ATG2A: variants seen among roughly 807,000 people sequenced by gnomAD.
The protein encoded by ATG2A is autophagy related 2A, also known as autophagy-related protein 2 homolog A.
A neutral mutation model predicts 214.2 loss-of-function variants in ATG2A; 103 were observed. The observed-to-expected ratio is 0.48, with a 90% CI of 0.41 to 0.57. ATG2A has a LOEUF of 0.57. Among genes scored for constraint, ATG2A ranks in the 20% least tolerant of loss-of-function variants. ATG2A has a pLI of 0.00. For missense variants in ATG2A, 2,312 were observed against 2,613.2 expected (o/e 0.88, Z 2.51); for synonymous variants, 1,160 against 1,142.1 (o/e 1.02, Z -0.32).
Position 64,895,653 on chromosome 11 carries a change from C to T in ATG2A, c.5428-211G>A, listed in dbSNP as rs563751069. Among the ~76,000 whole-genome samples, 1 of 152,174 alleles carries T rather than the reference C, an allele frequency of 6.6e-6. No individual in the cohort carries two copies. The highest frequency in any genetic ancestry group is 1.5e-5 in the Non-Finnish European group (1 of 68,008). The stretch of plus-strand genomic sequence containing the variant: ...CCACTCTGCTGAGGGAACCTAGGAA[C>T]GTGGGACTCCTCAGGGGACTTTCCT... On this transcript the variant is annotated intron_variant, in intron 39 of 40. Coordinates refer to ENST00000377264, the MANE Select transcript of ATG2A (RefSeq NM_015104.3). The surrounding 1 kb of genome is among the most constrained non-coding windows in gnomAD (Gnocchi z 5.0).
At chr11:64,912,665 CT>C (rs1444845874) in intron 6 of ATG2A, 1 of 500,196 alleles carries the variant, frequency 2.0e-6, no homozygotes, top group Non-Finnish European at 3.5e-6. Context: ...GCAATCTTGG[CT>C]CACTGCAACC....
chr11:64,911,922 G>C lies in ATG2A; in HGVS notation c.1148C>G (p.Ser383Cys). The C allele has an allele frequency of 3.7e-6, 6 of 1,613,644 alleles. No homozygotes were observed. Among genetic ancestry groups the C allele is most frequent in the Non-Finnish European group, 5.1e-6 (6 of 1,179,804 alleles). Residue 383 changes from serine to cysteine, a missense_variant, in exon 9 of 41, where the codon TCC becomes TGC. By Grantham distance (112) the Ser-to-Cys change is moderately radical. Coordinates refer to ENST00000377264, the MANE Select transcript of ATG2A (RefSeq NM_015104.3). ...SSVASALSEL[S>C]LSDVDLASSV... ...GGAGGCCAGGTCTACATCGGAGAGG[G>C]AGAGCTCAGAGAGGGCTGAGGCCAC...
intron 31 of ATG2A, among the ~76,000 whole-genome samples, chr11:64,899,862 T>A (rs183134346): frequency 0.024 from 2,986 of 126,266 alleles, 95 homozygotes; most frequent in African/African-American, 0.11. Context: ...GCTTCCAGCA[T>A]TTTTTTTTTT....
rs752528859 is a variant in ATG2A, at chr11:64,907,536, G to A, written c.2636C>T (p.Ala879Val). ...WHDSFKMCKS[A>V]FKLANCFDLT... ...AGCACCTCTCATACCCAGCTTGAAGGCTGACTTGCACATCTTAAAGCTGTC... is the reference window on the plus strand; with the variant it reads ...AGCACCTCTCATACCCAGCTTGAAGACTGACTTGCACATCTTAAAGCTGTC... The change falls in exon 18 of 41, where the codon GCC (alanine) becomes GTC (valine). Residue 879 changes from alanine to valine, a missense_variant. Transcript: ENST00000377264. 8.1e-6 allele frequency: 13 copies of A among 1,612,536 alleles called. No homozygotes were observed. In the Admixed American group the frequency reaches 1.8e-4, roughly 23 times the overall value.
At position 64,906,404 on chromosome 11, in the gene ATG2A, C is replaced by A. The variant is rs369499174; in HGVS notation, c.3113G>T (p.Gly1038Val). 1 of 1,613,256 alleles carries A rather than the reference C, an allele frequency of 6.2e-7. No homozygotes were observed. Among genetic ancestry groups the A allele is most frequent in the South Asian group, 1.1e-5 (1 of 91,080 alleles). ...VTERGASGRK[G>V]QGRGPHMLST... ...CAACATGTGGGGTCCCCGGCCCTGGCCCTTGCGGCCCGAGGCTCCCCGCTC... is the reference window on the plus strand; with the variant it reads ...CAACATGTGGGGTCCCCGGCCCTGGACCTTGCGGCCCGAGGCTCCCCGCTC... Residue 1038 changes from glycine (G) to valine (V), a missense_variant, in exon 21 of 41, where the codon GGC (glycine) becomes GTC (valine). Physicochemically the swap from Gly to Val is moderately radical, Grantham distance 109 (BLOSUM62 -3). Coordinates refer to ENST00000377264, the MANE Select transcript of ATG2A (RefSeq NM_015104.3).
Position 64,913,885 on chromosome 11 carries a change from C to T in ATG2A, c.526G>A (p.Val176Met), listed in dbSNP as rs748905263. The T allele has an allele frequency of 3.3e-5, 54 of 1,613,932 alleles. No homozygotes were observed. Among genetic ancestry groups the T allele is most frequent in the African/African-American group, 1.9e-4 (14 of 74,914 alleles). Residue 176 changes from valine (V) to methionine (M), a missense_variant, in exon 4 of 41, where the codon GTG (valine) becomes ATG (methionine). By Grantham distance (21) the Val-to-Met change is conservative. Transcript: ENST00000377264. The surrounding 1 kb of genome is among the most constrained non-coding windows in gnomAD (Gnocchi z 4.3). Reference protein sequence around the residue: ...RIKVTFLDTVVRVEHSPGDGE... With the variant: ...RIKVTFLDTVMRVEHSPGDGE... ...TCACCCGGAGAGTGCTCCACCCTCA[C>T]GACAGTGTCCAGGAAGGTCACTTTG...
At position 64,903,498 on chromosome 11, in the gene ATG2A, C is replaced by T. The variant is rs1944431883; in HGVS notation, c.3535+92G>A. On this transcript the variant is annotated intron_variant, in intron 25 of 40. Coordinates refer to ENST00000377264, the MANE Select transcript of ATG2A (RefSeq NM_015104.3). This position sits in a 1 kb window ranked among gnomAD's most constrained non-coding sequence, Gnocchi z 4.2. ...CTACGTGTGGGAGCTAAGGACCCGG[C>T]CAGCAGCTGCGGGGAGACACCTGGC... The T allele has an allele frequency of 8.8e-6, 13 of 1,480,676 alleles. No homozygotes were observed. Among genetic ancestry groups the T allele is most frequent in the South Asian group, 1.3e-5 (1 of 79,784 alleles). The allele number at this position is 1,480,676 out of a possible 1,614,324, so 91.7% of individuals were successfully genotyped here.
intron 22 of ATG2A, 128 bp from the exon 23 acceptor site, chr11:64,905,976 C>T (rs1435662354): frequency 1.4e-5 from 19 of 1,368,384 alleles, no homozygotes; most frequent in Non-Finnish European, 1.7e-5. Flanking sequence ...ACACCCCTTG[C>T]CCAGGAGCTC....
rs139862317 is a variant in ATG2A, at chr11:64,912,413, G to A, written c.836C>T (p.Ala279Val). The A allele has an allele frequency of 2.8e-3, 4,387 of 1,548,770 alleles. 8 individuals carry two copies. The highest frequency in any genetic ancestry group is 3.5e-3 in the Non-Finnish European group (4,039 of 1,146,872). ...CAGGTGCAGGGAGCCCAGCTGTCCC[G>A]CCACCTCCAACTGGGGGCCAAGGAG... ...EAFPGPKLEV[A>V]GQLGSLHLLL... Residue 279 changes from alanine (A) to valine (V), a missense_variant, in exon 7 of 41, where the codon GCG becomes GTG. Physicochemically the swap from Ala to Val is moderately conservative, Grantham distance 64. Transcript: ENST00000377264.
At position 64,913,323 on chromosome 11, in the gene ATG2A, C is replaced by T. The variant is rs756739238; in HGVS notation, c.669G>A (p.Leu223=). The change falls in exon 5 of 41, where the codon CTG becomes CTA. Residue 223 remains leucine (L), a synonymous_variant. Coordinates refer to ENST00000377264, the MANE Select transcript of ATG2A (RefSeq NM_015104.3). This position sits in a 1 kb window ranked among gnomAD's most constrained non-coding sequence, Gnocchi z 4.3. Reference sequence around the variant, plus strand: ...CCCCTGCCAGCTGCAGCAGCTTGTGCAGGAAGGCAGGCGGCTGATGCACGT... The same window carrying T: ...CCCCTGCCAGCTGCAGCAGCTTGTGTAGGAAGGCAGGCGGCTGATGCACGT... ...PVDVHQPPAF[L]HKLLQLAGVR... 1 of 1,607,942 alleles carries T rather than the reference C, an allele frequency of 6.2e-7. No individual in the cohort carries two copies. The highest frequency in any genetic ancestry group is 8.5e-7 in the Non-Finnish European group (1 of 1,178,248).
rs1203921749 is a variant in ATG2A at position 64,911,961 on chromosome 11, C to T, written c.1109G>A (p.Gly370Asp). Residue 370 changes from glycine to aspartate, a missense_variant, in exon 9 of 41, where the codon GGC becomes GAC. Gly to Asp is a moderately conservative substitution (Grantham distance 94). Coordinates refer to ENST00000377264, the MANE Select transcript of ATG2A (RefSeq NM_015104.3). Reference sequence around the variant, plus strand: ...GGCTGAGGCCACACTGCTTGTGAGGCCAGCCATGGAGAAGAAGAGGTCTGT... The same window carrying T: ...GGCTGAGGCCACACTGCTTGTGAGGTCAGCCATGGAGAAGAAGAGGTCTGT... Reference protein sequence around the residue: ...DNTDLFFSMAGLTSSVASALS... With the variant: ...DNTDLFFSMADLTSSVASALS... The T allele has an allele frequency of 1.2e-6, 2 of 1,613,690 alleles. No homozygotes were observed. Among genetic ancestry groups the T allele is most frequent in the South Asian group, 2.2e-5 (2 of 91,004 alleles).
At chr11:64,910,985 G>A in intron 10 of ATG2A, 31 bp from the exon 11 acceptor site, 6 of 1,613,568 alleles carry the variant, frequency 3.7e-6, no homozygotes, top group Non-Finnish European at 4.2e-6. Flanking sequence ...GTCAGAAGGT[G>A]CACTTAGGGG....
At position 64,906,463 on chromosome 11, in the gene ATG2A, G is replaced by A. The variant is rs774523771; in HGVS notation, c.3054C>T (p.Ala1018=). The A allele has an allele frequency of 6.2e-6, 10 of 1,613,356 alleles. No individual in the cohort carries two copies. Among genetic ancestry groups the A allele is most frequent in the Non-Finnish European group, 6.8e-6 (8 of 1,180,004 alleles). ...CTTCCTCCGATGGGTAGATGGTTGG[G>A]GCCAGCTGAGCCGGGGGAGCGAAAC... The part of the protein sequence containing the change: ...LPSFAPPAQL[A]PTIYPSEEGV... The change falls in exon 21 of 41, where the codon GCC becomes GCT. Residue 1018 remains alanine, a synonymous_variant. Coordinates refer to ENST00000377264, the MANE Select transcript of ATG2A (RefSeq NM_015104.3).
In ATG2A at chr11:64,902,407, G is replaced by T. The variant is rs777262605; in HGVS notation, c.3778-21C>A. Reference sequence around the variant, plus strand: ...GAGAGCTGGGCCAGGCAGGGGAGGAGCAATGAGTGAGACAGGACAGAGCTC... The same window carrying T: ...GAGAGCTGGGCCAGGCAGGGGAGGATCAATGAGTGAGACAGGACAGAGCTC... On this transcript the variant is annotated intron_variant, in intron 27 of 40. Coordinates refer to ENST00000377264, the MANE Select transcript of ATG2A (RefSeq NM_015104.3). The T allele has an allele frequency of 1.1e-5, 17 of 1,545,666 alleles. No homozygotes were observed. In the Admixed American group the frequency reaches 2.5e-4, roughly 23 times the overall value.
chr11:64,912,288 T>TCCCCCCCCCCCCCCCC, intron 7 of ATG2A, 39 bp from the exon 8 acceptor site: 1 of 1,471,382 alleles, frequency 6.8e-7, no homozygotes, highest in Non-Finnish European at 9.4e-7. Context: ...TGGCTGGCCC[T>TCCCCCCCCCCCCCCCC]CCCAGCCACC....
At chr11:64,914,566 T>C (rs1182108198) in intron 1 of ATG2A, 66 bp from the exon 2 acceptor site, 2 of 1,557,280 alleles carry the variant, frequency 1.3e-6, no homozygotes, top group Non-Finnish European at 1.7e-6. Context: ...GGCACAGCCT[T>C]ATCTGGCCAT....
intron 3 of ATG2A, 35 bp downstream of exon 3, chr11:64,914,046 G>T: frequency 6.5e-7 from 1 of 1,539,966 alleles, no homozygotes; most frequent in Non-Finnish European, 8.8e-7. Context: ...CCACTGAAGG[G>T]CAGGAGACAG....
Position 64,897,913 on chromosome 11 carries a change from C to T in ATG2A, c.4920G>A (p.Glu1640=), listed in dbSNP as rs2136541947. ...SPLEGQAEGV[E]TTGSQEAPGG... ...CTGGGGCCTCCTGCGAACCAGTGGT[C>T]TCTACGCCTTCGGCCTGCCCTTCCA... The change falls in exon 35 of 41, where the codon GAG becomes GAA. Residue 1640 remains glutamate, a synonymous_variant. Transcript: ENST00000377264. The T allele has an allele frequency of 6.4e-7, 1 of 1,559,144 alleles. No homozygotes were observed. Among genetic ancestry groups the T allele is most frequent in the East Asian group, 2.2e-5 (1 of 44,464 alleles).
chr11:64,895,903 C>A lies in ATG2A; in HGVS notation c.5428-461G>T, dbSNP rs1481387564. Among the ~76,000 whole-genome samples the A allele has an allele frequency of 6.6e-6, 1 of 152,200 alleles. No homozygotes were observed. On this transcript the variant is annotated intron_variant, in intron 39 of 40. Coordinates refer to ENST00000377264, the MANE Select transcript of ATG2A (RefSeq NM_015104.3). The surrounding 1 kb of genome is among the most constrained non-coding windows in gnomAD (Gnocchi z 5.0). ...ACCTGACTGAACACTCCCGGGGGCTCCCTGGTGCCCATGCATCCCTCCCAC... is the reference window on the plus strand; with the variant it reads ...ACCTGACTGAACACTCCCGGGGGCTACCTGGTGCCCATGCATCCCTCCCAC...
Sources: allele counts gnomAD v4.1 joint callset (sites outside exome capture counted in the v4.1 genomes callset), GRCh38; gene constraint gnomAD v4.1.1; non-coding constraint Gnocchi (gnomAD v3.1); transcripts MANE v1.5; gene names NCBI Gene and HGNC (gene_info 2026-07-23, HGNC 2026-07-21).